Variants in GLI3 observed in about 807,000 individuals in gnomAD.
GLI3 encodes the protein GLI family zinc finger 3, also known as transcription activator GLI3.
A neutral mutation model predicts 100.8 loss-of-function variants in GLI3; 20 were observed. The ratio of observed to expected loss-of-function variants is 0.20; its 90% confidence interval spans 0.14 to 0.29. The LOEUF is 0.29. GLI3 is among the 10% of genes least tolerant of loss of function. The pLI is 1.00. For synonymous variants in GLI3, 938 were observed against 860.5 expected, an observed-to-expected ratio of 1.09 and a Z score of -1.58; for missense variants, 2,040 against 2,128.5, an observed-to-expected ratio of 0.96 and a Z score of 0.82.
intron 3 of GLI3, among the ~76,000 whole-genome samples, chr7:42,145,949 C>A (rs968144112): frequency 6.6e-5 from 10 of 152,166 alleles, no homozygotes; most frequent in Admixed American, 6.5e-4. Flanking sequence ...GATCAGCACA[C>A]TTGTCAAGGT....
chr7:42,072,472 C>A (rs1784802014), intron 4 of GLI3, among the ~76,000 whole-genome samples: 1 of 152,026 alleles, frequency 6.6e-6, no homozygotes, highest in South Asian at 2.1e-4. Context: ...AGTTCTAACA[C>A]TAAAAAACAA....
At chr7:41,973,194 G>T (rs967633982) in intron 12 of GLI3, among the ~76,000 whole-genome samples, 2 of 152,208 alleles carry the variant, frequency 1.3e-5, no homozygotes, top group Non-Finnish European at 2.9e-5. Flanking sequence ...ACACTAAAAT[G>T]TGCTCCTTTG....
chr7:42,014,180 C>G (rs965092121), intron 10 of GLI3, among the ~76,000 whole-genome samples: 1 of 152,188 alleles, frequency 6.6e-6, no homozygotes, highest in African/African-American at 2.4e-5. Flanking sequence ...AAAGCTGATG[C>G]TGGCTCAAGC....
intron 2 of GLI3, among the ~76,000 whole-genome samples, chr7:42,185,183 A>G (rs927651977): frequency 3.9e-5 from 6 of 152,204 alleles, no homozygotes; most frequent in African/African-American, 1.4e-4. Flanking sequence ...CAAAGCTGGC[A>G]CCCAGGGCTC....
chr7:41,985,415 T>C (rs961593909), intron 10 of GLI3, among the ~76,000 whole-genome samples: 4 of 152,140 alleles, frequency 2.6e-5, no homozygotes, highest in Non-Finnish European at 5.9e-5. Context: ...TGACATAAGA[T>C]GGGATATAAA....
chr7:42,196,917 C>G (rs1382261622), intron 2 of GLI3, among the ~76,000 whole-genome samples: 3 of 152,208 alleles, frequency 2.0e-5, no homozygotes, highest in East Asian at 3.8e-4. Flanking sequence ...TATTTCTCAA[C>G]AGAAAGGACA....
intron 3 of GLI3, among the ~76,000 whole-genome samples, chr7:42,118,666 T>C (rs942920548): frequency 1.3e-5 from 2 of 152,118 alleles, no homozygotes; most frequent in African/African-American, 4.8e-5. Context: ...CAGAATGACG[T>C]GATCATCTTG....
chr7:42,117,841 G>A (rs747160091), intron 3 of GLI3, among the ~76,000 whole-genome samples: 4 of 152,176 alleles, frequency 2.6e-5, no homozygotes, highest in South Asian at 2.1e-4. Flanking sequence ...CCAGCTCGAG[G>A]CTTTCCCACC....
intron 2 of GLI3, among the ~76,000 whole-genome samples, chr7:42,202,062 C>T (rs914316787): frequency 8.5e-6 from 1 of 117,168 alleles, no homozygotes; most frequent in African/African-American, 3.3e-5. Context: ...AGCCTGGAGA[C>T]AGAGCAAGAC....
At chr7:42,170,693 C>T (rs78748711) in intron 2 of GLI3, among the ~76,000 whole-genome samples, 2,271 of 152,214 alleles carry the variant, frequency 0.015, 28 homozygotes, top group Non-Finnish European at 0.019. Flanking sequence ...TGAGCCACCA[C>T]GTCTGGCCTT....
Position 42,096,314 on chromosome 7 carries a change from C to T in GLI3, c.368-19457G>A, listed in dbSNP as rs74418693. On this transcript the variant is annotated intron_variant, in intron 3 of 14. Coordinates refer to ENST00000395925, the MANE Select transcript of GLI3 (RefSeq NM_000168.6). The stretch of plus-strand genomic sequence containing the variant: ...AGGGTCCCTAGAATCCAGAATAGGA[C>T]GCAGGTTAGCTCAAACTCGCTTCCC... 1.5e-3 allele frequency among the ~76,000 whole-genome samples: 229 copies of T among 152,216 alleles called. 1 individual carries two copies. The highest frequency in any genetic ancestry group is 5.1e-3 in the African/African-American group (211 of 41,548).
At chr7:42,042,968 T>C (rs1784175108) in intron 6 of GLI3, among the ~76,000 whole-genome samples, 1 of 152,196 alleles carries the variant, frequency 6.6e-6, no homozygotes, top group African/African-American at 2.4e-5. Context: ...ACAAGCTACA[T>C]ATAAACACTC....
intron 3 of GLI3, chr7:42,145,345 T>G (rs2128784908): frequency 2.6e-6 from 1 of 388,520 alleles, no homozygotes; most frequent in East Asian, 3.7e-5. Context: ...TGTATTAAAG[T>G]TTGCATTTGT....
In GLI3 at chr7:41,967,867, G is replaced by T. The variant is rs779317211; in HGVS notation, c.2160C>A (p.Ile720=). The change falls in exon 14 of 15, where the codon ATC becomes ATA. Residue 720 remains isoleucine, a synonymous_variant. Coordinates refer to ENST00000395925, the MANE Select transcript of GLI3 (RefSeq NM_000168.6). ...CGAGCCCACTGTTGGAATAGTTGCT[G>T]ATGGGGGACTGTTGGCTGCTGCATG... ...QSSCSSQQSP[I]SNYSNSGLEL... 1.2e-6 allele frequency: 2 copies of T among 1,614,162 alleles called. No individual in the cohort carries two copies. The highest frequency in any genetic ancestry group is 1.1e-5 in the South Asian group (1 of 91,084).
intron 6 of GLI3, among the ~76,000 whole-genome samples, chr7:42,041,408 GC>G (rs1227424102): frequency 6.6e-6 from 1 of 152,156 alleles, no homozygotes; most frequent in Non-Finnish European, 1.5e-5. Context: ...GATGAATGTG[GC>G]CCACAGGTCC....
intron 2 of GLI3, among the ~76,000 whole-genome samples, chr7:42,192,925 C>T (rs998463964): frequency 1.3e-5 from 2 of 152,178 alleles, no homozygotes; most frequent in African/African-American, 4.8e-5. Context: ...GACCTGAGGC[C>T]AGCCTGTCTC....
At chr7:42,068,845 C>A (rs1414180705) in intron 4 of GLI3, among the ~76,000 whole-genome samples, 1 of 152,026 alleles carries the variant, frequency 6.6e-6, no homozygotes, top group Non-Finnish European at 1.5e-5. Context: ...GCAGTATTCA[C>A]CATATAAACC....
rs1056483413 is a variant in GLI3, at chr7:42,063,649, C to T, written c.473+13103G>A. On this transcript the variant is annotated intron_variant, in intron 4 of 14. Coordinates refer to ENST00000395925, the MANE Select transcript of GLI3 (RefSeq NM_000168.6). ...AAAAGATGGAAAAAGGGATGTACTA[C>T]TTAGAATAGATGATTTAAATATGGG... Among the ~76,000 whole-genome samples, 3 of 152,182 alleles carry T rather than the reference C, an allele frequency of 2.0e-5. No homozygotes were observed. In the South Asian group the frequency reaches 6.2e-4, roughly 31 times the overall value.
intron 3 of GLI3, among the ~76,000 whole-genome samples, chr7:42,086,547 G>C (rs568362616): frequency 1.3e-5 from 2 of 152,116 alleles, no homozygotes; most frequent in East Asian, 3.9e-4. Flanking sequence ...CAGCCACCAA[G>C]CTCTGTCCAG....
Sources: gnomAD v4.1 joint callset for allele counts (sites outside exome capture counted in the v4.1 genomes callset) on GRCh38, gnomAD v4.1.1 for gene constraint, MANE v1.5 for transcripts, NCBI Gene and HGNC (gene_info 2026-07-23, HGNC 2026-07-21) for gene names.